SEL1L2: variants seen among roughly 807,000 people sequenced by gnomAD.
SEL1L2 encodes SEL1L2 adaptor subunit of SYVN1 ubiquitin ligase, also known as protein sel-1 homolog 2.
SEL1L2 carries 89 observed loss-of-function variants against 98.8 expected under a neutral mutation model. That is an observed-to-expected ratio of 0.90 (90% confidence interval 0.76 to 1.07). SEL1L2 has a LOEUF of 1.07. Ranked by LOEUF, SEL1L2 falls within the 50% of genes least tolerant of loss-of-function variation. The pLI is 0.00. For synonymous variants in SEL1L2, 262 were observed against 278.5 expected, an observed-to-expected ratio of 0.94 and a Z score of 0.59; for missense variants, 788 against 812.0, an observed-to-expected ratio of 0.97 and a Z score of 0.36.
At chr20:13,953,474 T>C (rs2050371258) in intron 2 of SEL1L2, among the ~76,000 whole-genome samples, 4 of 152,126 alleles carry the variant, frequency 2.6e-5, no homozygotes, top group African/African-American at 9.7e-5. Context: ...CTTATCCTTA[T>C]CCTTATTTTA....
chr20:13,878,307 CT>C (rs5840586), intron 10 of SEL1L2, among the ~76,000 whole-genome samples: 6 of 145,210 alleles, frequency 4.1e-5, no homozygotes, highest in Non-Finnish European at 7.5e-5. Flanking sequence ...TGAAACCGCT[CT>C]TTTTTTTTTT....
intron 4 of SEL1L2, 133 bp downstream of exon 4, chr20:13,918,888 A>G (rs1355500106): frequency 1.6e-6 from 1 of 626,704 alleles, no homozygotes; most frequent in African/African-American, 1.9e-5. Flanking sequence ...TGATCCTTTT[A>G]AAAACAATAG....
chr20:13,950,051 C>A (rs2050194798), intron 2 of SEL1L2, among the ~76,000 whole-genome samples: 1 of 151,998 alleles, frequency 6.6e-6, no homozygotes, highest in African/African-American at 2.4e-5. Flanking sequence ...GGAGATTATG[C>A]CAAGTGAAAT....
intron 1 of SEL1L2, among the ~76,000 whole-genome samples, chr20:13,959,854 A>C (rs1021383868): frequency 3.3e-5 from 5 of 152,228 alleles, no homozygotes; most frequent in Non-Finnish European, 5.9e-5. Flanking sequence ...TCACAGCCCA[A>C]AACCACAATT....
intron 2 of SEL1L2, among the ~76,000 whole-genome samples, chr20:13,953,091 C>G (rs2050349334): frequency 6.6e-6 from 1 of 152,194 alleles, no homozygotes. Context: ...AAACCTTAGA[C>G]TGGTTGGCTT....
At chr20:13,989,345 T>C (rs915300123) in intron 1 of SEL1L2, among the ~76,000 whole-genome samples, 1 of 152,230 alleles carries the variant, frequency 6.6e-6, no homozygotes, top group Non-Finnish European at 1.5e-5. Flanking sequence ...GGAGCTCATT[T>C]ATTAGTTCTA....
chr20:13,906,232 C>T (rs2047925404), intron 5 of SEL1L2, among the ~76,000 whole-genome samples: 1 of 152,128 alleles, frequency 6.6e-6, no homozygotes, highest in African/African-American at 2.4e-5. Flanking sequence ...GGAACTGTTA[C>T]AGTAGCTGGG....
upstream of SEL1L2, among the ~76,000 whole-genome samples, chr20:13,991,559 G>T (rs533761722): frequency 8.5e-5 from 13 of 152,158 alleles, no homozygotes; most frequent in Non-Finnish European, 1.5e-4. Flanking sequence ...CTTGATTTGT[G>T]ACCACATCAT....
chr20:13,931,679 C>A lies in SEL1L2; in HGVS notation c.207G>T (p.Glu69Asp). The A allele has an allele frequency of 6.5e-7, 1 of 1,548,814 alleles. No individual in the cohort carries two copies. The highest frequency in any genetic ancestry group is 1.4e-5 in the African/African-American group (1 of 72,368). ...NVINKRENLL[E>D]KKKNQRKIRI... ...TTATTTTACGTTGATTCTTCTTTTTCTCCAGGAGATTTTCTCTTTTATTGA... is the reference window on the plus strand; with the variant it reads ...TTATTTTACGTTGATTCTTCTTTTTATCCAGGAGATTTTCTCTTTTATTGA... The change falls in exon 3 of 20, where the codon GAG becomes GAT. Residue 69 changes from glutamate (E) to aspartate (D), a missense_variant. Transcript: ENST00000284951.
intron 5 of SEL1L2, among the ~76,000 whole-genome samples, chr20:13,901,717 A>T (rs556845125): frequency 6.7e-6 from 1 of 148,706 alleles, no homozygotes; most frequent in African/African-American, 2.5e-5. Context: ...GCTGGAGTGC[A>T]TTGGCACGAT....
chr20:13,882,305 A>ACTT (rs2046741270), intron 10 of SEL1L2, among the ~76,000 whole-genome samples: 3 of 152,120 alleles, frequency 2.0e-5, no homozygotes, highest in Non-Finnish European at 4.4e-5. Context: ...ACACTATGGT[A>ACTT]TGTTGCAAGA....
rs2049315907 is a variant in SEL1L2 at position 13,934,390 on chromosome 20, TATATATATATTCC to T, written c.115-2632_115-2620del. Among the ~76,000 whole-genome samples the T allele has an allele frequency of 2.5e-3, 25 of 9,804 alleles. 2 individuals are homozygous for T. The highest frequency in any genetic ancestry group is 5.7e-3 in the Non-Finnish European group (20 of 3,516). 6.4% of individuals were successfully genotyped at this position (9,804 alleles called of 152,430 possible). A position where few individuals can be genotyped will look rare whatever the true frequency, so the allele number is the denominator to read the frequency against. On this transcript the variant is annotated intron_variant, in intron 2 of 19. Transcript: ENST00000284951. ...ATATATTCCATATATATATATTCCA[TATATATATATTCC>T]ATATATATATATTCCATATATATAT...
intron 1 of SEL1L2, among the ~76,000 whole-genome samples, chr20:13,969,752 C>T (rs2051200666): frequency 6.6e-6 from 1 of 152,138 alleles, no homozygotes; most frequent in Admixed American, 6.5e-5. Context: ...TTCATCCTTC[C>T]AGGACATGTC....
In SEL1L2 at chr20:13,865,518, T is replaced by G. The variant is rs748580666; in HGVS notation, c.1405-4A>C. On this transcript the variant is annotated splice_region_variant and splice_polypyrimidine_tract_variant and intron_variant, in intron 15 of 19. Transcript: ENST00000284951. ...GTTCACAGACACCTTTATAAAGCTGTACATGAGAGGAGAAATCAAGGAGAC... is the reference window on the plus strand; with the variant it reads ...GTTCACAGACACCTTTATAAAGCTGGACATGAGAGGAGAAATCAAGGAGAC... 5 of 1,609,648 alleles carry G rather than the reference T, an allele frequency of 3.1e-6. No individual in the cohort carries two copies. The Admixed American group carries it at 8.5e-5, about 27-fold the overall frequency.
intron 1 of SEL1L2, among the ~76,000 whole-genome samples, chr20:13,961,549 A>G (rs2050772720): frequency 6.6e-6 from 1 of 152,222 alleles, no homozygotes; most frequent in Non-Finnish European, 1.5e-5. Flanking sequence ...TGTGTTGAAC[A>G]AAAGCCACTA....
intron 2 of SEL1L2, among the ~76,000 whole-genome samples, chr20:13,939,040 G>GTTTTGTTTTTTTTTTTTTTTTTTTTTT (rs2049605907): frequency 8.8e-6 from 1 of 114,088 alleles, no homozygotes; most frequent in African/African-American, 3.5e-5. Flanking sequence ...TGCTTGTTTT[G>GTTTTGTTTTTTTTTTTTTTTTTTTTTT]TTTTTTTTTT....
intron 17 of SEL1L2, among the ~76,000 whole-genome samples, 174 bp from the exon 18 acceptor site, chr20:13,859,608 T>C (rs1989758520): frequency 6.6e-6 from 1 of 152,238 alleles, no homozygotes; most frequent in African/African-American, 2.4e-5. Flanking sequence ...AGATATACTT[T>C]ATGGAATACA....
At chr20:13,866,092 T>A (rs1386058200) in intron 15 of SEL1L2, among the ~76,000 whole-genome samples, 1 of 152,094 alleles carries the variant, frequency 6.6e-6, no homozygotes. Context: ...AAGGAGCAAA[T>A]CTAAAGATAG....
chr20:13,922,772 A>T (rs954419955), intron 3 of SEL1L2, among the ~76,000 whole-genome samples: 29 of 152,186 alleles, frequency 1.9e-4, no homozygotes, highest in African/African-American at 7.0e-4. Context: ...TGAGATTCAA[A>T]ATACTGGAAT....
Sources: allele counts gnomAD v4.1 joint callset (sites outside exome capture counted in the v4.1 genomes callset), GRCh38; gene constraint gnomAD v4.1.1; transcripts MANE v1.5; gene names NCBI Gene and HGNC (gene_info 2026-07-23, HGNC 2026-07-21).